GMEB2: variants seen among roughly 807,000 people sequenced by gnomAD.
GMEB2 encodes glucocorticoid modulatory element binding protein 2, also known as glucocorticoid modulatory element-binding protein 2.
A neutral mutation model predicts 45.7 loss-of-function variants in GMEB2; 7 were observed. The ratio of observed to expected loss-of-function variants is 0.15; its 90% CI spans 0.09 to 0.29. GMEB2 has a LOEUF of 0.29. Ranked by LOEUF, GMEB2 falls within the 10% of genes least tolerant of loss-of-function variation. GMEB2 has a pLI of 1.00. For synonymous variants in GMEB2, 322 were observed against 323.6 expected, an observed-to-expected ratio of 1.00 and a Z score of 0.05; for missense variants, 582 against 739.2, an observed-to-expected ratio of 0.79 and a Z score of 2.47.
At chr20:63,626,916 C>T (rs2089679277) in intron 1 of GMEB2, 40 bp downstream of exon 1, 1 of 146,808 alleles carries the variant, frequency 6.8e-6, no homozygotes, top group African/African-American at 2.5e-5. Flanking sequence ...AGCGAGAGGC[C>T]TCGCCGCGGG....
intron 5 of GMEB2, 134 bp downstream of exon 5, chr20:63,597,623 C>T: frequency 1.6e-6 from 1 of 627,010 alleles, no homozygotes; most frequent in Non-Finnish European, 2.9e-6. Context: ...GCAGGTGCAG[C>T]AGCCACCCGG....
At chr20:63,597,680 A>C (rs1294514892) in intron 5 of GMEB2, 77 bp downstream of exon 5, 1 of 868,242 alleles carries the variant, frequency 1.2e-6, no homozygotes, top group African/African-American at 1.7e-5. Flanking sequence ...CATCTTCAAA[A>C]TCCCAAAACC....
rs984790804 is a variant in GMEB2 at position 63,626,992 on chromosome 20, GGGCGGCGGCGTCGGGAGCTGCGGCGGC to G, written c.-121_-95del. 6.7e-6 allele frequency: 1 copy of G among 148,852 alleles called. No individual in the cohort carries two copies. The highest frequency in any genetic ancestry group is 1.5e-5 in the Non-Finnish European group (1 of 67,320). 9.2% of individuals were successfully genotyped at this position (148,852 alleles called of 1,614,324 possible). A position where few individuals can be genotyped will look rare whatever the true frequency, so the allele number is the denominator to read the frequency against. ...CCGGGCCTGCTTAGGCACCCGGCGG[GGGCGGCGGCGTCGGGAGCTGCGGCGGC>G]GGCGGGCGGCGGCGGCGGCCGCGGG... is the stretch of plus-strand genomic sequence containing the variant. On this transcript the variant is annotated 5_prime_UTR_variant, in exon 1 of 10. Coordinates refer to ENST00000370077, the MANE Select transcript of GMEB2 (RefSeq NM_012384.5).
chr20:63,613,175 G>C lies in GMEB2; in HGVS notation c.131+6092C>G, dbSNP rs1029567469. ...ACAATCATAAACAGAGCAAGCAAGA[G>C]AACTTGGCAATTATTTCCTCTCTAC... On this transcript the variant is annotated intron_variant, in intron 2 of 9. Transcript: ENST00000370077. Among the ~76,000 whole-genome samples, 3 of 152,166 alleles carry C rather than the reference G, an allele frequency of 2.0e-5. No individual in the cohort carries two copies. In the South Asian group the frequency reaches 6.2e-4, roughly 31 times the overall value.
Position 63,592,537 on chromosome 20 carries a change from A to C in GMEB2, c.825T>G (p.Leu275=). 1.2e-6 allele frequency: 2 copies of C among 1,609,636 alleles called. No individual in the cohort carries two copies. Among genetic ancestry groups the C allele is most frequent in the Non-Finnish European group, 1.7e-6 (2 of 1,177,352 alleles). The change falls in exon 8 of 10, where the codon CTT becomes CTG. Residue 275 remains leucine (L), a synonymous_variant. Coordinates refer to ENST00000370077, the MANE Select transcript of GMEB2 (RefSeq NM_012384.5). The surrounding 1 kb of genome is among the most constrained non-coding windows in gnomAD (Gnocchi z 8.2). ...QQRVQDPPLQ[L]RDAVLLNNIV... ...AGGGAAGATGCAGCTTCTCACCTCG[A>C]AGCTGCAGGGGAGGGTCCTGGACCC...
chr20:63,595,013 G>A (rs1037899927), intron 6 of GMEB2, among the ~76,000 whole-genome samples: 5 of 152,228 alleles, frequency 3.3e-5, no homozygotes, highest in Non-Finnish European at 7.3e-5. Context: ...GGGGTTACAG[G>A]TGTGAGCCAC....
intron 4 of GMEB2, among the ~76,000 whole-genome samples, chr20:63,599,363 ACCT>A (rs1477293232): frequency 1.3e-5 from 2 of 152,036 alleles, no homozygotes; most frequent in Non-Finnish European, 2.9e-5. Flanking sequence ...GACTCTTCAC[ACCT>A]CCTCACAGCA....
intron 1 of GMEB2, among the ~76,000 whole-genome samples, chr20:63,622,789 G>C (rs372015392): frequency 4.1e-4 from 62 of 152,312 alleles, no homozygotes; most frequent in South Asian, 2.9e-3. Flanking sequence ...CTGAACAGAG[G>C]GGATGGTGGT....
At chr20:63,610,759 C>A (rs1486494321) in intron 2 of GMEB2, among the ~76,000 whole-genome samples, 1 of 152,220 alleles carries the variant, frequency 6.6e-6, no homozygotes, top group East Asian at 1.9e-4. Flanking sequence ...GGCAAAGCAA[C>A]TGCAGACTGA....
chr20:63,617,993 T>C (rs1248118503), intron 2 of GMEB2, among the ~76,000 whole-genome samples: 2 of 146,612 alleles, frequency 1.4e-5, no homozygotes, highest in Non-Finnish European at 3.0e-5. Context: ...GCCACACTAC[T>C]CATTGCAGGC....
At chr20:63,625,027 G>A (rs1267208171) in intron 1 of GMEB2, among the ~76,000 whole-genome samples, 1 of 152,094 alleles carries the variant, frequency 6.6e-6, no homozygotes, top group Non-Finnish European at 1.5e-5. Flanking sequence ...CTATATTAAA[G>A]GTTCAAAGCA....
In GMEB2 at chr20:63,592,419, C is replaced by T; in HGVS notation, c.829+114G>A. The T allele has an allele frequency of 1.3e-6, 1 of 792,000 alleles. No individual in the cohort carries two copies. Among genetic ancestry groups the T allele is most frequent in the Non-Finnish European group, 2.0e-6 (1 of 498,810 alleles). The allele number at this position is 792,000 out of a possible 1,614,324, so 49.1% of individuals were successfully genotyped here. A position where few individuals can be genotyped will look rare whatever the true frequency, so the allele number is the denominator to read the frequency against. On this transcript the variant is annotated intron_variant, in intron 8 of 9. Transcript: ENST00000370077. This position sits in a 1 kb window ranked among gnomAD's most constrained non-coding sequence, Gnocchi z 8.2. Reference sequence around the variant, plus strand: ...ACAGCAGGAGTCCCAAGCCTAGATTCAGCCTCCAACCCAGCAGCACAGAAG... The same window carrying T: ...ACAGCAGGAGTCCCAAGCCTAGATTTAGCCTCCAACCCAGCAGCACAGAAG...
chr20:63,617,301 G>A (rs1394319229), intron 2 of GMEB2, among the ~76,000 whole-genome samples: 1 of 152,130 alleles, frequency 6.6e-6, no homozygotes, highest in Non-Finnish European at 1.5e-5. Flanking sequence ...AGAAGTGAAA[G>A]AGAAAGATCT....
chr20:63,598,541 G>C (rs2083217164), intron 4 of GMEB2, among the ~76,000 whole-genome samples: 1 of 152,182 alleles, frequency 6.6e-6, no homozygotes, highest in South Asian at 2.1e-4. Flanking sequence ...AGCAGGCTGG[G>C]GATGGAGGAG....
At chr20:63,611,614 CAA>C (rs566271215) in intron 2 of GMEB2, among the ~76,000 whole-genome samples, 3 of 134,728 alleles carry the variant, frequency 2.2e-5, no homozygotes, top group Non-Finnish European at 3.2e-5. Context: ...GACTTGGTCT[CAA>C]AAAAAAAAAA....
chr20:63,600,991 C>T (rs538119822), intron 4 of GMEB2, among the ~76,000 whole-genome samples: 2 of 152,282 alleles, frequency 1.3e-5, no homozygotes, highest in Non-Finnish European at 2.9e-5. Context: ...GCCAGCTTTC[C>T]CACCACAGCT....
rs2083166015 is a variant in GMEB2, at chr20:63,593,277, T to C, written c.620-195A>G. Among the ~76,000 whole-genome samples the C allele has an allele frequency of 6.6e-6, 1 of 152,078 alleles. No individual in the cohort carries two copies. Among genetic ancestry groups the C allele is most frequent in the African/African-American group, 2.4e-5 (1 of 41,404 alleles). The stretch of plus-strand genomic sequence containing the variant: ...TTATGGCTATTTTTAATCACAGACG[T>C]TGTCAAACATACAAAGGAGAAACAA... On this transcript the variant is annotated intron_variant, in intron 6 of 9. Coordinates refer to ENST00000370077, the MANE Select transcript of GMEB2 (RefSeq NM_012384.5). The surrounding 1 kb of genome is among the most constrained non-coding windows in gnomAD (Gnocchi z 4.7).
chr20:63,592,973 C>A lies in GMEB2; in HGVS notation c.691+38G>T. 1 of 1,446,062 alleles carries A rather than the reference C, an allele frequency of 6.9e-7. No individual in the cohort carries two copies. The highest frequency in any genetic ancestry group is 1.2e-5 in the South Asian group (1 of 84,844). 89.6% of individuals were successfully genotyped at this position (1,446,062 alleles called of 1,614,324 possible). A position where few individuals can be genotyped will look rare whatever the true frequency, so the allele number is the denominator to read the frequency against. On this transcript the variant is annotated intron_variant, in intron 7 of 9. Coordinates refer to ENST00000370077, the MANE Select transcript of GMEB2 (RefSeq NM_012384.5). This position sits in a 1 kb window ranked among gnomAD's most constrained non-coding sequence, Gnocchi z 8.2. ...GTGGGCAGAGACTCCACCACCCCGCCAGGGCTTGTGAGAAGCCCACAAGGA... is the reference window on the plus strand; with the variant it reads ...GTGGGCAGAGACTCCACCACCCCGCAAGGGCTTGTGAGAAGCCCACAAGGA...
chr20:63,588,977 CG>C lies in GMEB2; in HGVS notation c.*1111del. On this transcript the variant is annotated 3_prime_UTR_variant, in exon 10 of 10. Transcript: ENST00000370077. ...CGGCAGCTGCCCTGAGCAGCCCACC[CG>C]GGGCAGCCTCCTGAACACCCAGGGG... 1 of 398,926 alleles carries C rather than the reference CG, an allele frequency of 2.5e-6. No homozygotes were observed. Among genetic ancestry groups the C allele is most frequent in the Non-Finnish European group, 4.4e-6 (1 of 226,288 alleles). The allele number at this position is 398,926 out of a possible 1,614,324, so 24.7% of individuals were successfully genotyped here. A position where few individuals can be genotyped will look rare whatever the true frequency, so the allele number is the denominator to read the frequency against.
Sources: allele counts gnomAD v4.1 joint callset (sites outside exome capture counted in the v4.1 genomes callset), GRCh38; gene constraint gnomAD v4.1.1; non-coding constraint Gnocchi (gnomAD v3.1); transcripts MANE v1.5; gene names NCBI Gene and HGNC (gene_info 2026-07-23, HGNC 2026-07-21).